The following PDLIM5 variants were observed in gnomAD, a reference collection of about 807,000 sequenced individuals.
PDLIM5 encodes the protein PDZ and LIM domain protein 5.
Under a neutral mutation model 64.2 loss-of-function variants are expected in PDLIM5, and 34 were observed. The ratio of observed to expected loss-of-function variants is 0.53; its 90% CI spans 0.40 to 0.71. PDLIM5 has a LOEUF of 0.71. Among genes scored for constraint, PDLIM5 ranks in the 30% least tolerant of loss-of-function variants. PDLIM5 has a pLI of 0.00. For missense variants in PDLIM5, 683 were observed against 733.6 expected (o/e 0.93, Z 0.80); for synonymous variants, 253 against 269.1 (o/e 0.94, Z 0.59).
chr4:94,551,080 T>C (rs1732766071), intron 3 of PDLIM5, among the ~76,000 whole-genome samples: 1 of 152,152 alleles, frequency 6.6e-6, no homozygotes, highest in African/African-American at 2.4e-5. Context: ...TACCCAATTA[T>C]GTATCACAGT....
intron 2 of PDLIM5, among the ~76,000 whole-genome samples, chr4:94,505,247 A>G (rs1233307589): frequency 6.6e-6 from 1 of 150,930 alleles, no homozygotes; most frequent in Non-Finnish European, 1.5e-5. Flanking sequence ...CACATTTCAG[A>G]TGCCAGTCTT....
chr4:94,467,397 C>T (rs374322142), intron 2 of PDLIM5, among the ~76,000 whole-genome samples: 4 of 151,832 alleles, frequency 2.6e-5, no homozygotes, highest in African/African-American at 9.7e-5. Flanking sequence ...TCACTGCAAC[C>T]TCCGCCTCCC....
chr4:94,537,417 A>T (rs999802978), intron 3 of PDLIM5, among the ~76,000 whole-genome samples: 6 of 152,206 alleles, frequency 3.9e-5, no homozygotes, highest in Non-Finnish European at 5.9e-5. Context: ...TACACAAATT[A>T]TTCTTAAAAC....
intron 9 of PDLIM5, among the ~76,000 whole-genome samples, chr4:94,650,316 C>T (rs1268526619): frequency 2.0e-5 from 3 of 152,158 alleles, no homozygotes; most frequent in Non-Finnish European, 2.9e-5. Flanking sequence ...CCTTTGCTCA[C>T]GCCAGGCCCT....
chr4:94,575,517 G>T, intron 4 of PDLIM5, 99 bp from the exon 5 acceptor site: 1 of 822,534 alleles, frequency 1.2e-6, no homozygotes, highest in African/African-American at 1.7e-5. Flanking sequence ...ACCTGATTGT[G>T]TTTGTCTTTT....
chr4:94,512,317 C>T (rs896262867), intron 2 of PDLIM5, among the ~76,000 whole-genome samples: 1 of 152,144 alleles, frequency 6.6e-6, no homozygotes, highest in Middle Eastern at 3.2e-3. Context: ...CTGTGCCTGG[C>T]CAGTAGCTGT....
At chr4:94,609,513 T>C (rs1738189342) in intron 7 of PDLIM5, among the ~76,000 whole-genome samples, 2 of 152,188 alleles carry the variant, frequency 1.3e-5, no homozygotes, top group Admixed American at 6.6e-5. Context: ...AATAGAAATA[T>C]GGAACTCAGC....
At chr4:94,550,098 T>C (rs923301218) in intron 3 of PDLIM5, 1 of 151,970 alleles carries the variant, frequency 6.6e-6, no homozygotes, top group Non-Finnish European at 1.5e-5. Context: ...AATTATATAG[T>C]AATGTAATAA....
chr4:94,528,504 A>C (rs1730574379), intron 3 of PDLIM5, among the ~76,000 whole-genome samples: 1 of 152,086 alleles, frequency 6.6e-6, no homozygotes, highest in Non-Finnish European at 1.5e-5. Flanking sequence ...AGCAAAAACC[A>C]TGTTTTTTTT....
intron 8 of PDLIM5, among the ~76,000 whole-genome samples, chr4:94,628,418 G>A (rs570355083): frequency 6.6e-6 from 1 of 152,188 alleles, no homozygotes; most frequent in South Asian, 2.1e-4. Flanking sequence ...ATTAGTGGTA[G>A]TAATAGAAAT....
intron 2 of PDLIM5, among the ~76,000 whole-genome samples, chr4:94,482,128 T>A (rs1046173813): frequency 2.6e-5 from 4 of 151,922 alleles, no homozygotes; most frequent in Non-Finnish European, 5.9e-5. Context: ...TTTTTTTTTT[T>A]AAATTACAGA....
chr4:94,609,560 T>C lies in PDLIM5; in HGVS notation c.921-8444T>C, dbSNP rs188249458. On this transcript the variant is annotated intron_variant, in intron 7 of 12. Transcript: ENST00000317968. ...TGTTTTGATCATATTCACTGTAACA[T>C]TGGTTTATTTTCGCAAAGGTACTTT... Among the ~76,000 whole-genome samples, 517 of 152,274 alleles carry C rather than the reference T, an allele frequency of 3.4e-3. 4 individuals are homozygous for C. Among genetic ancestry groups the C allele is most frequent in the African/African-American group, 0.012 (487 of 41,572 alleles).
intron 7 of PDLIM5, among the ~76,000 whole-genome samples, chr4:94,601,437 A>G (rs992000304): frequency 5.9e-5 from 9 of 152,166 alleles, no homozygotes; most frequent in Non-Finnish European, 1.3e-4. Context: ...ACAAACGTTC[A>G]CTGTATAACA....
intron 7 of PDLIM5, chr4:94,588,169 C>T (rs1736392795): frequency 2.1e-6 from 2 of 962,728 alleles, no homozygotes; most frequent in Non-Finnish European, 2.5e-6. Context: ...GACACAGTGC[C>T]ATCCAGGACT....
At chr4:94,597,522 T>C (rs1001632823) in intron 7 of PDLIM5, among the ~76,000 whole-genome samples, 1 of 152,078 alleles carries the variant, frequency 6.6e-6, no homozygotes, top group Non-Finnish European at 1.5e-5. Context: ...TAATAAATGC[T>C]CTGTGTTGAA....
intron 2 of PDLIM5, among the ~76,000 whole-genome samples, chr4:94,495,651 T>C (rs78776025): frequency 2.8e-3 from 420 of 152,222 alleles, no homozygotes; most frequent in African/African-American, 9.3e-3. Flanking sequence ...TCATGATGCA[T>C]ATTACTAAGG....
chr4:94,463,621 G>T (rs1416316728), intron 2 of PDLIM5, among the ~76,000 whole-genome samples: 1 of 152,088 alleles, frequency 6.6e-6, no homozygotes, highest in Non-Finnish European at 1.5e-5. Context: ...AGGTGGAAGG[G>T]AAGCAGGAGA....
intron 2 of PDLIM5, among the ~76,000 whole-genome samples, chr4:94,496,121 C>T (rs1727371410): frequency 6.6e-6 from 1 of 151,344 alleles, no homozygotes; most frequent in Non-Finnish European, 1.5e-5. Context: ...CCTAGGCTTA[C>T]AGATTTGTTC....
intron 2 of PDLIM5, among the ~76,000 whole-genome samples, chr4:94,490,484 A>G (rs1373983826): frequency 6.6e-6 from 1 of 152,130 alleles, no homozygotes; most frequent in African/African-American, 2.4e-5. Flanking sequence ...ATATCCTTCC[A>G]TATAACAGTG....
Sources: allele counts gnomAD v4.1 joint callset (sites outside exome capture counted in the v4.1 genomes callset), GRCh38; gene constraint gnomAD v4.1.1; transcripts MANE v1.5; gene names NCBI Gene and HGNC (gene_info 2026-07-23, HGNC 2026-07-21).